The following SH3RF3 variants were observed in gnomAD, a reference collection of about 807,000 sequenced individuals.
SH3RF3 encodes E3 ubiquitin-protein ligase SH3RF3.
In SH3RF3, 29 loss-of-function variants were observed where a neutral mutation model predicts 66.3. That is an observed-to-expected ratio of 0.44 (90% CI 0.33 to 0.60). SH3RF3 has a LOEUF of 0.60. Among genes scored for constraint, SH3RF3 ranks in the 20% least tolerant of loss-of-function variants. The pLI is 0.04. For missense variants in SH3RF3, 1,194 were observed against 1,190.9 expected (o/e 1.00, Z -0.04); for synonymous variants, 583 against 532.0 (o/e 1.10, Z -1.32).
intron 1 of SH3RF3, among the ~76,000 whole-genome samples, chr2:109,279,658 T>G (rs1472735665): frequency 1.3e-5 from 2 of 152,244 alleles, no homozygotes; most frequent in African/African-American, 4.8e-5. Flanking sequence ...CATCACTGTT[T>G]CCTTTTGGAA....
chr2:109,240,783 G>A (rs953657873), intron 1 of SH3RF3, among the ~76,000 whole-genome samples: 7 of 151,774 alleles, frequency 4.6e-5, no homozygotes, highest in Non-Finnish European at 1.0e-4. Flanking sequence ...CTCCTCTCTA[G>A]ACCCTGAGGG....
intron 1 of SH3RF3, among the ~76,000 whole-genome samples, chr2:109,173,951 G>T (rs193053360): frequency 6.6e-6 from 1 of 152,210 alleles, no homozygotes; most frequent in East Asian, 1.9e-4. Flanking sequence ...AGCAGATGTC[G>T]GGTTCAGGCT....
At position 109,488,351 on chromosome 2, in the gene SH3RF3, C is replaced by G. The variant is rs567197515; in HGVS notation, c.2149-2254C>G. On this transcript the variant is annotated intron_variant, in intron 8 of 9. Coordinates refer to ENST00000309415, the MANE Select transcript of SH3RF3 (RefSeq NM_001099289.3). ...GATGTCTTCAGACATTGCCACCTGT[C>G]CCCTGGAGGCAAGGTCACCCTCTCA... Among the ~76,000 whole-genome samples the G allele has an allele frequency of 2.6e-5, 4 of 152,324 alleles. No individual in the cohort carries two copies. The South Asian group carries it at 8.3e-4, about 32-fold the overall frequency.
At chr2:109,464,013 A>G (rs780794070) in intron 8 of SH3RF3, among the ~76,000 whole-genome samples, 2 of 152,172 alleles carry the variant, frequency 1.3e-5, no homozygotes, top group African/African-American at 4.8e-5. Context: ...AGGGTCCCCA[A>G]TTCACAGAAC....
intron 2 of SH3RF3, among the ~76,000 whole-genome samples, chr2:109,361,705 A>T (rs1424993715): frequency 1.3e-5 from 2 of 152,086 alleles, no homozygotes; most frequent in African/African-American, 4.8e-5. Context: ...TGAACTCCTG[A>T]CTTCAAATAA....
At chr2:109,493,991 C>G (rs1174952211) in intron 9 of SH3RF3, among the ~76,000 whole-genome samples, 2 of 152,202 alleles carry the variant, frequency 1.3e-5, no homozygotes, top group Non-Finnish European at 2.9e-5. Context: ...CACCTGCTGC[C>G]TGTGTTTTCC....
intron 1 of SH3RF3, among the ~76,000 whole-genome samples, chr2:109,300,176 T>C (rs964145020): frequency 3.9e-5 from 6 of 152,174 alleles, no homozygotes; most frequent in African/African-American, 1.4e-4. Flanking sequence ...CCCTGAGATA[T>C]GCTCTCGAGA....
intron 1 of SH3RF3, among the ~76,000 whole-genome samples, chr2:109,261,265 CA>C (rs1680347992): frequency 6.6e-6 from 1 of 152,166 alleles, no homozygotes; most frequent in Admixed American, 6.5e-5. Context: ...CAGAACAAAG[CA>C]ATGATGTGGA....
At chr2:109,486,265 C>G (rs547080571) in intron 8 of SH3RF3, among the ~76,000 whole-genome samples, 34 of 152,286 alleles carry the variant, frequency 2.2e-4, no homozygotes, top group African/African-American at 7.9e-4. Context: ...TCATTTCAGA[C>G]CCACAGAAGC....
intron 6 of SH3RF3, among the ~76,000 whole-genome samples, chr2:109,434,721 C>T (rs1429251520): frequency 1.3e-5 from 2 of 152,244 alleles, no homozygotes; most frequent in Non-Finnish European, 2.9e-5. Flanking sequence ...AAGCAGCCCA[C>T]TGGCAAGTTC....
intron 1 of SH3RF3, among the ~76,000 whole-genome samples, chr2:109,339,328 A>G (rs753453740): frequency 1.3e-5 from 2 of 152,140 alleles, no homozygotes; most frequent in Non-Finnish European, 2.9e-5. Context: ...AAATGTATAT[A>G]TAGTAAGATG....
chr2:109,156,960 G>A (rs189491106), intron 1 of SH3RF3, among the ~76,000 whole-genome samples: 66 of 152,252 alleles, frequency 4.3e-4, no homozygotes, highest in Non-Finnish European at 8.4e-4. Context: ...TACCAATAAG[G>A]TTAATAAAGG....
chr2:109,205,751 C>T (rs915687555), intron 1 of SH3RF3, among the ~76,000 whole-genome samples: 1 of 152,192 alleles, frequency 6.6e-6, no homozygotes, highest in South Asian at 2.1e-4. Context: ...AAGGCAGCCC[C>T]GCTCTGTGCA....
intron 1 of SH3RF3, among the ~76,000 whole-genome samples, chr2:109,216,765 T>G (rs887249182): frequency 2.0e-5 from 3 of 152,250 alleles, no homozygotes; most frequent in Non-Finnish European, 4.4e-5. Context: ...ACAAATATAT[T>G]TTTTTAAATT....
chr2:109,480,198 T>G (rs1678799686), intron 8 of SH3RF3, among the ~76,000 whole-genome samples: 1 of 152,216 alleles, frequency 6.6e-6, no homozygotes. Context: ...GCCCAACATC[T>G]GCATGGCACC....
chr2:109,296,324 T>C (rs1185425812), intron 1 of SH3RF3, among the ~76,000 whole-genome samples: 1 of 152,050 alleles, frequency 6.6e-6, no homozygotes, highest in Non-Finnish European at 1.5e-5. Context: ...GCCTCCCAGG[T>C]TCAAGTGATT....
At chr2:109,209,909 T>C (rs1366354567) in intron 1 of SH3RF3, among the ~76,000 whole-genome samples, 1 of 152,216 alleles carries the variant, frequency 6.6e-6, no homozygotes, top group Non-Finnish European at 1.5e-5. Context: ...CCCTGTTTTG[T>C]AACCACTGCC....
chr2:109,491,018 A>G, intron 9 of SH3RF3, 82 bp downstream of exon 9: 4 of 1,299,112 alleles, frequency 3.1e-6, no homozygotes, highest in Non-Finnish European at 4.0e-6. Context: ...GAGCAGGGAC[A>G]CTGTGGCCTT....
At chr2:109,484,838 G>T (rs532224260) in intron 8 of SH3RF3, among the ~76,000 whole-genome samples, 42 of 152,280 alleles carry the variant, frequency 2.8e-4, no homozygotes, top group African/African-American at 8.9e-4. Context: ...GTCTGCAGGT[G>T]CTCCCAGGCC....
Sources: gnomAD v4.1 joint callset for allele counts (sites outside exome capture counted in the v4.1 genomes callset) on GRCh38, gnomAD v4.1.1 for gene constraint, MANE v1.5 for transcripts, NCBI Gene and HGNC (gene_info 2026-07-23, HGNC 2026-07-21) for gene names.